The following GALNT9 variants were observed in gnomAD, a reference collection of about 807,000 sequenced individuals.
GALNT9 encodes the protein polypeptide N-acetylgalactosaminyltransferase 9, also known as GalNAc transferase 9.
Under a neutral mutation model 63.1 loss-of-function variants are expected in GALNT9, and 47 were observed. The observed-to-expected ratio is 0.75, with a 90% CI of 0.59 to 0.95. GALNT9 has a LOEUF of 0.95. Among genes scored for constraint, GALNT9 ranks in the 40% least tolerant of loss-of-function variants. GALNT9 has a pLI of 0.00. For synonymous variants in GALNT9, 396 were observed against 365.7 expected (o/e 1.08, Z -0.94); for missense variants, 829 against 874.8 (o/e 0.95, Z 0.66).
chr12:132,301,719 C>A (rs1162996583), intron 1 of GALNT9, among the ~76,000 whole-genome samples: 3 of 152,254 alleles, frequency 2.0e-5, no homozygotes, highest in Non-Finnish European at 2.9e-5. Context: ...CCCTCCCTGG[C>A]AAATGCAGCC....
chr12:132,288,615 C>T (rs1203601229), intron 1 of GALNT9, among the ~76,000 whole-genome samples: 1 of 152,250 alleles, frequency 6.6e-6, no homozygotes, highest in Non-Finnish European at 1.5e-5. Flanking sequence ...AGATGGCTGC[C>T]TGATGCCCAG....
intron 6 of GALNT9, among the ~76,000 whole-genome samples, chr12:132,208,579 G>A (rs935688729): frequency 6.6e-6 from 1 of 152,204 alleles, no homozygotes. Flanking sequence ...CCAGCATGAG[G>A]ATGAGAGACC....
chr12:132,271,125 G>A (rs1462711450), intron 2 of GALNT9, among the ~76,000 whole-genome samples: 4 of 152,308 alleles, frequency 2.6e-5, no homozygotes, highest in Non-Finnish European at 5.9e-5. Context: ...GCGCCCTTCA[G>A]TGCCGTGTGT....
intron 6 of GALNT9, among the ~76,000 whole-genome samples, chr12:132,215,984 C>G (rs563623437): frequency 6.6e-6 from 1 of 152,270 alleles, no homozygotes; most frequent in Admixed American, 6.5e-5. Context: ...GGGACAGTGG[C>G]TGGACGTGTG....
intron 4 of GALNT9, among the ~76,000 whole-genome samples, chr12:132,260,379 G>T (rs1198703626): frequency 2.0e-5 from 3 of 152,142 alleles, no homozygotes; most frequent in Non-Finnish European, 4.4e-5. Context: ...GCTCCGAGCC[G>T]CCCAGAAGGG....
chr12:132,243,358 TGG>T (rs1878535947), intron 6 of GALNT9, among the ~76,000 whole-genome samples: 1 of 97,422 alleles, frequency 1.0e-5, no homozygotes, highest in South Asian at 4.5e-4. Flanking sequence ...GGGCCCCCAG[TGG>T]CCTCAGTGTC....
chr12:132,326,565 C>T (rs1406079242), intron 1 of GALNT9, among the ~76,000 whole-genome samples: 1 of 152,204 alleles, frequency 6.6e-6, no homozygotes, highest in Non-Finnish European at 1.5e-5. Context: ...GGCCCTCCCG[C>T]TCCTCCAGCT....
rs1043306662 is a variant in GALNT9, at chr12:132,316,004, G to A, written c.238+12962C>T. 1.3e-5 allele frequency among the ~76,000 whole-genome samples: 2 copies of A among 152,340 alleles called. No individual in the cohort carries two copies. The highest frequency in any genetic ancestry group is 2.1e-4 in the South Asian group (1 of 4,822). On this transcript the variant is annotated intron_variant, in intron 1 of 10. Transcript: ENST00000328957. This position sits in a 1 kb window ranked among gnomAD's most constrained non-coding sequence, Gnocchi z 4.3. ...TGGTGGGGACGCGGGGTCCTGGAGA[G>A]GGCACGGCAGGCAGGCAGCCCCCGA...
intron 6 of GALNT9, among the ~76,000 whole-genome samples, chr12:132,225,155 C>A (rs994025382): frequency 1.4e-5 from 2 of 143,606 alleles, no homozygotes; most frequent in East Asian, 2.1e-4. Context: ...ACTGTACACA[C>A]CCTACACACA....
At chr12:132,308,715 C>A (rs1881701974) in intron 1 of GALNT9, among the ~76,000 whole-genome samples, 1 of 152,220 alleles carries the variant, frequency 6.6e-6, no homozygotes, top group South Asian at 2.1e-4. Context: ...ACGATGTCAG[C>A]ACCATGCTGT....
At chr12:132,198,527 AC>A (rs61105154) in intron 9 of GALNT9, among the ~76,000 whole-genome samples, 109,247 of 150,988 alleles carry the variant, frequency 0.72, 39,501 homozygotes, top group South Asian at 0.76. Flanking sequence ...GTGTTAATCC[AC>A]CCCCCGAGCC....
chr12:132,226,987 T>TA (rs1466473263), intron 6 of GALNT9, among the ~76,000 whole-genome samples: 1 of 141,830 alleles, frequency 7.1e-6, no homozygotes, highest in Non-Finnish European at 1.5e-5. Context: ...ACACTGTACA[T>TA]ACACACCCAT....
chr12:132,302,728 G>A (rs187688540), intron 1 of GALNT9, among the ~76,000 whole-genome samples: 80 of 152,336 alleles, frequency 5.3e-4, no homozygotes, highest in Non-Finnish European at 9.4e-4. Flanking sequence ...AAGAGGAGTC[G>A]GAGGGAAGAG....
intron 9 of GALNT9, among the ~76,000 whole-genome samples, chr12:132,198,458 G>GGGC (rs1565979719): frequency 3.5e-5 from 5 of 143,208 alleles, no homozygotes; most frequent in African/African-American, 1.0e-4. Flanking sequence ...GCCTGGGCCT[G>GGGC]TGCTGCAGGT....
intron 6 of GALNT9, among the ~76,000 whole-genome samples, chr12:132,243,963 A>G (rs1878589121): frequency 2.0e-5 from 3 of 152,076 alleles, no homozygotes; most frequent in African/African-American, 7.2e-5. Flanking sequence ...ACTGGGCTCA[A>G]CAGTAAAGAT....
At position 132,329,312 on chromosome 12, in the gene GALNT9, G is replaced by C. The variant is rs868909521; in HGVS notation, c.-109C>G. 61 of 1,421,924 alleles carry C rather than the reference G, an allele frequency of 4.3e-5. No individual in the cohort carries two copies. In the South Asian group the frequency reaches 4.7e-4, roughly 11 times the overall value. The allele number at this position is 1,421,924 out of a possible 1,614,324, so 88.1% of individuals were successfully genotyped here. ...ACCATGAGCCGCCCGGGGCTGCGGG[G>C]GCTGCGGGGCTCGGCCGGAGCTGTC... On this transcript the variant is annotated 5_prime_UTR_variant, in exon 1 of 11. Coordinates refer to ENST00000328957, the MANE Select transcript of GALNT9 (RefSeq NM_001122636.2).
rs192051818 is a variant in GALNT9, at chr12:132,316,304, C to A, written c.238+12662G>T. On this transcript the variant is annotated intron_variant, in intron 1 of 10. Transcript: ENST00000328957. The surrounding 1 kb of genome is among the most constrained non-coding windows in gnomAD (Gnocchi z 4.3). ...ATACAGCCTGTGGGTTCTTCCCCAGCCCGACCCCACGTCCCCATTTCACGA... is the reference window on the plus strand; with the variant it reads ...ATACAGCCTGTGGGTTCTTCCCCAGACCGACCCCACGTCCCCATTTCACGA... Among the ~76,000 whole-genome samples, 59 of 152,278 alleles carry A rather than the reference C, an allele frequency of 3.9e-4. No homozygotes were observed. The highest frequency in any genetic ancestry group is 1.4e-3 in the African/African-American group (58 of 41,546).
Position 132,247,711 on chromosome 12 carries a change from ACAC to A in GALNT9, c.1077+196_1077+198del, listed in dbSNP as rs1555238137. 57 of 846,032 alleles carry A rather than the reference ACAC, an allele frequency of 6.7e-5. No homozygotes were observed. The African/African-American group carries it at 7.0e-4, about 10-fold the overall frequency. 52.4% of individuals were successfully genotyped at this position (846,032 alleles called of 1,614,324 possible). On this transcript the variant is annotated intron_variant, in intron 6 of 10. Coordinates refer to ENST00000328957, the MANE Select transcript of GALNT9 (RefSeq NM_001122636.2). Reference sequence around the variant, plus strand: ...GCACTCGCCCTCACCCCGTCCCCAGACACCGCGGCCTCACTCGCCCTCACCCCG... The same window carrying A: ...GCACTCGCCCTCACCCCGTCCCCAGACGCGGCCTCACTCGCCCTCACCCCG...
At chr12:132,293,745 C>G (rs562047675) in intron 1 of GALNT9, among the ~76,000 whole-genome samples, 206 of 151,982 alleles carry the variant, frequency 1.4e-3, no homozygotes, top group Non-Finnish European at 2.3e-3. Flanking sequence ...AGGGCCAGAA[C>G]GAGAAGCCAG....
Sources: allele counts gnomAD v4.1 joint callset (sites outside exome capture counted in the v4.1 genomes callset), GRCh38; gene constraint gnomAD v4.1.1; non-coding constraint Gnocchi (gnomAD v3.1); transcripts MANE v1.5; gene names NCBI Gene and HGNC (gene_info 2026-07-23, HGNC 2026-07-21).